The following UNC13C variants were observed in gnomAD, a reference collection of about 807,000 sequenced individuals.
The protein encoded by UNC13C is unc-13 homolog C.
UNC13C carries 174 observed loss-of-function variants against 245.4 expected under a neutral mutation model. The ratio of observed to expected loss-of-function variants is 0.71; its 90% CI spans 0.63 to 0.80. UNC13C has a LOEUF of 0.80. Ranked by LOEUF, UNC13C falls within the 30% of genes least tolerant of loss-of-function variation. The pLI, the probability that UNC13C is intolerant of heterozygous loss-of-function variation, is 0.00. For missense variants in UNC13C, 2,829 were observed against 2,602.9 expected, an observed-to-expected ratio of 1.09 and a Z score of -1.89; for synonymous variants, 992 against 895.1, an observed-to-expected ratio of 1.11 and a Z score of -1.93.
chr15:53,887,074 G>C, the UNC13C span, among the ~76,000 whole-genome samples: 5 of 152,142 alleles, frequency 3.3e-5, no homozygotes, highest in Non-Finnish European at 7.4e-5. Context: ...GTGAAATTAA[G>C]AAGATCTGAG....
chr15:54,124,541 T>A (rs973143525), intron 2 of UNC13C, among the ~76,000 whole-genome samples: 2 of 152,186 alleles, frequency 1.3e-5, no homozygotes, highest in African/African-American at 4.8e-5. Flanking sequence ...AGTCCTTTGG[T>A]GGATTTGTGA....
chr15:54,310,770 CTATATCTATATA>C (rs1487783338), intron 13 of UNC13C, among the ~76,000 whole-genome samples: 3,175 of 106,920 alleles, frequency 0.03, 128 homozygotes, highest in African/African-American at 0.089. Flanking sequence ...ATATCTATAT[CTATATCTATATA>C]TATGTACATA....
chr15:54,523,564 C>T (rs988065562), intron 24 of UNC13C, among the ~76,000 whole-genome samples: 4 of 152,128 alleles, frequency 2.6e-5, no homozygotes, highest in African/African-American at 9.7e-5. Flanking sequence ...CACCAAATAC[C>T]TAAGGTGGAC....
chr15:54,296,744 A>G (rs368758916), intron 11 of UNC13C, among the ~76,000 whole-genome samples: 1 of 152,176 alleles, frequency 6.6e-6, no homozygotes, highest in Non-Finnish European at 1.5e-5. Context: ...GGGCCAATTT[A>G]AAGTCCTCCG....
intron 30 of UNC13C, among the ~76,000 whole-genome samples, chr15:54,604,552 C>T (rs1180152001): frequency 1.3e-5 from 2 of 152,154 alleles, no homozygotes; most frequent in African/African-American, 2.4e-5. Flanking sequence ...CTCCCTGCTT[C>T]CAGTAAAAGC....
At chr15:54,274,322 A>G (rs1596125493) in intron 10 of UNC13C, among the ~76,000 whole-genome samples, 1 of 152,358 alleles carries the variant, frequency 6.6e-6, no homozygotes, top group African/African-American at 2.4e-5. Context: ...AGGAAGAAAT[A>G]TCTAAAACAA....
intron 19 of UNC13C, among the ~76,000 whole-genome samples, chr15:54,475,605 A>G (rs973803116): frequency 7.3e-5 from 11 of 151,000 alleles, no homozygotes; most frequent in Non-Finnish European, 1.2e-4. Flanking sequence ...ATGATTTCCA[A>G]TTTCATCCAT....
At chr15:54,583,866 C>T (rs1374165838) in intron 30 of UNC13C, among the ~76,000 whole-genome samples, 1 of 152,180 alleles carries the variant, frequency 6.6e-6, no homozygotes, top group African/African-American at 2.4e-5. Flanking sequence ...ACACCAGAGT[C>T]CTGTGAATAA....
chr15:54,212,767 A>G (rs1191001457), intron 4 of UNC13C, among the ~76,000 whole-genome samples: 2 of 152,104 alleles, frequency 1.3e-5, no homozygotes, highest in African/African-American at 2.4e-5. Context: ...TAAACTAAAC[A>G]TAGATGGATA....
chr15:54,035,689 G>A (rs1896550121), intron 2 of UNC13C, among the ~76,000 whole-genome samples: 2 of 152,270 alleles, frequency 1.3e-5, no homozygotes, highest in South Asian at 2.1e-4. Context: ...AAACGTGGAA[G>A]CCAATTTGCA....
chr15:53,897,245 A>C, the UNC13C span, among the ~76,000 whole-genome samples: 9 of 152,188 alleles, frequency 5.9e-5, no homozygotes, highest in African/African-American at 1.9e-4. Context: ...GGAGACAATC[A>C]AGCTCATTGA....
At chr15:54,450,159 G>A (rs8028590) in intron 19 of UNC13C, among the ~76,000 whole-genome samples, 11,865 of 152,198 alleles carry the variant, frequency 0.078, 535 homozygotes, top group African/African-American at 0.12. Context: ...ACCCAGCCAC[G>A]ATGAGGTGTC....
intron 4 of UNC13C, among the ~76,000 whole-genome samples, chr15:54,179,187 G>T (rs1464031306): frequency 4.0e-5 from 6 of 151,782 alleles, no homozygotes; most frequent in Non-Finnish European, 5.9e-5. Flanking sequence ...CTAGAAAAAA[G>T]GTAAGCTCAA....
the UNC13C span, among the ~76,000 whole-genome samples, chr15:53,856,806 G>C: frequency 4.6e-5 from 7 of 152,134 alleles, no homozygotes; most frequent in African/African-American, 1.4e-4. Context: ...ACTTGATCCA[G>C]AGCTGAGTTC....
At chr15:54,297,044 T>C (rs1037388696) in intron 11 of UNC13C, among the ~76,000 whole-genome samples, 1 of 152,220 alleles carries the variant, frequency 6.6e-6, no homozygotes, top group African/African-American at 2.4e-5. Context: ...TCACTGACAA[T>C]GAAAACTATT....
At chr15:54,610,023 C>G (rs1234750359) in intron 30 of UNC13C, among the ~76,000 whole-genome samples, 1 of 152,122 alleles carries the variant, frequency 6.6e-6, no homozygotes, top group Non-Finnish European at 1.5e-5. Context: ...CCAGGTCCCT[C>G]CAATGACATG....
At chr15:54,096,193 A>G (rs995894815) in intron 2 of UNC13C, among the ~76,000 whole-genome samples, 2 of 152,202 alleles carry the variant, frequency 1.3e-5, no homozygotes, top group African/African-American at 4.8e-5. Flanking sequence ...CTGTTGAGTG[A>G]CAGCTTGAGA....
intron 2 of UNC13C, among the ~76,000 whole-genome samples, chr15:54,069,364 AG>A (rs556881493): frequency 6.7e-4 from 102 of 152,298 alleles, no homozygotes; most frequent in African/African-American, 2.4e-3. Context: ...CAGTGACTGG[AG>A]TCTTCTCTCA....
At chr15:53,858,709 A>G in the UNC13C span, among the ~76,000 whole-genome samples, 1 of 152,086 alleles carries the variant, frequency 6.6e-6, no homozygotes, top group Non-Finnish European at 1.5e-5. Flanking sequence ...ATGAGCCACC[A>G]CACCTGGCCC....
Sources: allele counts gnomAD v4.1 joint callset (sites outside exome capture counted in the v4.1 genomes callset), GRCh38; gene constraint gnomAD v4.1.1; transcripts MANE v1.5; gene names NCBI Gene and HGNC (gene_info 2026-07-23, HGNC 2026-07-21).